CFAP74: variants seen among roughly 807,000 people sequenced by gnomAD.
CFAP74 encodes cilia- and flagella-associated protein 74.
CFAP74 carries 124 observed loss-of-function variants against 188.9 expected under a neutral mutation model. The observed-to-expected ratio is 0.66, with a 90% CI of 0.57 to 0.76. The LOEUF is 0.76. Ranked by LOEUF, CFAP74 falls within the 30% of genes least tolerant of loss-of-function variation. The probability of loss-of-function intolerance (pLI) is 0.00; values close to 1 mark genes in which losing one functional copy is unlikely to be tolerated. For synonymous variants in CFAP74, 956 were observed against 916.7 expected, an observed-to-expected ratio of 1.04 and a Z score of -0.77; for missense variants, 2,198 against 2,165.2, an observed-to-expected ratio of 1.02 and a Z score of -0.30.
At chr1:1,970,888 T>A (rs535542253) in intron 9 of CFAP74, 72 bp from the exon 10 acceptor site, 1 of 1,571,238 alleles carries the variant, frequency 6.4e-7, no homozygotes, top group Non-Finnish European at 8.7e-7. Context: ...CACCTGCACA[T>A]GTGCACACAC....
At chr1:1,948,692 G>A (rs576259550) in intron 18 of CFAP74, among the ~76,000 whole-genome samples, 71 of 149,950 alleles carry the variant, frequency 4.7e-4, no homozygotes, top group Non-Finnish European at 4.6e-4. Flanking sequence ...AGGCTCAAGC[G>A]ATCCTCCCGG....
intron 25 of CFAP74, among the ~76,000 whole-genome samples, chr1:1,934,193 C>T (rs1370733275): frequency 6.6e-6 from 1 of 152,198 alleles, no homozygotes; most frequent in Non-Finnish European, 1.5e-5. Flanking sequence ...TACATCTGTG[C>T]AAGTGTAGAA....
intron 1 of CFAP74, among the ~76,000 whole-genome samples, chr1:2,000,884 G>T (rs190163122): frequency 6.6e-6 from 1 of 152,142 alleles, no homozygotes. Flanking sequence ...GCCACTGTGT[G>T]GATGAATCTC....
rs1361393068 is a variant in CFAP74, at chr1:1,922,204, T to G, written c.*83A>C. ...GGCAGAGGATGGCCAGGTCCCAGGCTCTAGGGTAGTATGACCTGGCCCTCA... is the reference window on the plus strand; with the variant it reads ...GGCAGAGGATGGCCAGGTCCCAGGCGCTAGGGTAGTATGACCTGGCCCTCA... On this transcript the variant is annotated 3_prime_UTR_variant, in exon 39 of 39. Transcript: ENST00000682832. The G allele has an allele frequency of 2.9e-6, 3 of 1,034,148 alleles. No homozygotes were observed. The highest frequency in any genetic ancestry group is 4.4e-6 in the Non-Finnish European group (3 of 680,760). The allele number at this position is 1,034,148 out of a possible 1,614,324, so 64.1% of individuals were successfully genotyped here. A position where few individuals can be genotyped will look rare whatever the true frequency, so the allele number is the denominator to read the frequency against.
chr1:1,982,926 G>C (rs1321330357), intron 6 of CFAP74, among the ~76,000 whole-genome samples: 1 of 152,250 alleles, frequency 6.6e-6, no homozygotes, highest in Non-Finnish European at 1.5e-5. Flanking sequence ...TGACGGTTAA[G>C]GGTCTGGGTC....
At chr1:1,949,125 TTCCC>T (rs147210610) in intron 18 of CFAP74, among the ~76,000 whole-genome samples, 26 of 64,778 alleles carry the variant, frequency 4.0e-4, no homozygotes, top group South Asian at 1.8e-3. Context: ...CTTTCTTCCC[TTCCC>T]TCCCTCCCTC....
chr1:1,957,510 G>A (rs1039997478), intron 16 of CFAP74, among the ~76,000 whole-genome samples: 16 of 152,184 alleles, frequency 1.1e-4, no homozygotes, highest in Non-Finnish European at 2.1e-4. Context: ...TGTTTTTACA[G>A]TCCCCAGCCT....
intron 18 of CFAP74, chr1:1,954,747 C>G: frequency 1.9e-6 from 2 of 1,038,870 alleles, no homozygotes; most frequent in South Asian, 2.5e-5. Flanking sequence ...TGCACCACTG[C>G]ACTCCAGCCT....
chr1:1,932,073 AAAAAAAC>A lies in CFAP74; in HGVS notation c.3012-1744_3012-1738del, dbSNP rs1237815594. 4.1e-3 allele frequency among the ~76,000 whole-genome samples: 240 copies of A among 58,236 alleles called. 5 individuals are homozygous for A. The highest frequency in any genetic ancestry group is 0.01 in the East Asian group (14 of 1,346). The allele number at this position is 58,236 out of a possible 152,430, so 38.2% of individuals were successfully genotyped here. On this transcript the variant is annotated intron_variant, in intron 25 of 38. Transcript: ENST00000682832. ...AGAGTGAGACTCTCGCCTCAAAAAA[AAAAAAAC>A]AAAAAACAAAAAACAAAAAACTTAG...
chr1:1,988,220 C>T (rs1657360529), intron 4 of CFAP74: 3 of 610,124 alleles, frequency 4.9e-6, no homozygotes, highest in Non-Finnish European at 9.4e-6. Flanking sequence ...AATACAAACA[C>T]ACACAAACAC....
In CFAP74 at chr1:1,945,870, CGTGT is replaced by C. The variant is rs1427367126; in HGVS notation, c.2364+443_2364+446del. On this transcript the variant is annotated intron_variant, in intron 20 of 38. Transcript: ENST00000682832. The stretch of plus-strand genomic sequence containing the variant: ...AGAACAAAGGCTCTGCGTGTGTGCA[CGTGT>C]GTGTGTGGGCTCTGCGTGTGTGCAT... Among the ~76,000 whole-genome samples, 73 of 141,746 alleles carry C rather than the reference CGTGT, an allele frequency of 5.2e-4. 1 individual carries two copies. The highest frequency in any genetic ancestry group is 1.4e-3 in the African/African-American group (56 of 38,728). 93.0% of individuals were successfully genotyped at this position (141,746 alleles called of 152,430 possible). A position where few individuals can be genotyped will look rare whatever the true frequency, so the allele number is the denominator to read the frequency against.
intron 23 of CFAP74, among the ~76,000 whole-genome samples, chr1:1,939,968 G>C (rs1308433827): frequency 6.6e-6 from 1 of 152,246 alleles, no homozygotes; most frequent in Non-Finnish European, 1.5e-5. Context: ...GTGGGTGGCA[G>C]CTGAGAGCCT....
rs763045212 is a variant in CFAP74 at position 1,974,183 on chromosome 1, G to T, written c.516C>A (p.His172Gln). The T allele has an allele frequency of 1.6e-5, 25 of 1,600,548 alleles. No individual in the cohort carries two copies. The highest frequency in any genetic ancestry group is 1.7e-4 in the Middle Eastern group (1 of 6,018). ...VLKESENTMW[H>Q]IEIQEGRLEA... The stretch of plus-strand genomic sequence containing the variant: ...CGAGTCGCCCCTCCTGGATCTCGAT[G>T]TGCCACATGGTGTTCCTTCAAACAA... Residue 172 changes from histidine to glutamine, a missense_variant, in exon 7 of 39, where the codon CAC (histidine) becomes CAA (glutamine). By Grantham distance (24) the His-to-Gln change is conservative. Coordinates refer to ENST00000682832, the MANE Select transcript of CFAP74 (RefSeq NM_001304360.2).
chr1:1,980,871 G>A (rs1026637751), intron 6 of CFAP74, among the ~76,000 whole-genome samples: 1 of 150,126 alleles, frequency 6.7e-6, no homozygotes, highest in South Asian at 2.1e-4. Flanking sequence ...AGACCATCAC[G>A]CCTGCTGCCT....
chr1:1,989,866 C>T (rs945959654), intron 2 of CFAP74, among the ~76,000 whole-genome samples: 1 of 152,168 alleles, frequency 6.6e-6, no homozygotes, highest in Non-Finnish European at 1.5e-5. Flanking sequence ...AAGCAAAATC[C>T]GAGGAACCCT....
In CFAP74 at chr1:1,985,456, G is replaced by A. The variant is rs375084574; in HGVS notation, c.430C>T (p.Arg144Cys). 9.0e-5 allele frequency: 145 copies of A among 1,613,892 alleles called. 1 individual carries two copies. Among genetic ancestry groups the A allele is most frequent in the Admixed American group, 4.0e-4 (24 of 60,010 alleles). ...TCGTTCTCCAGCTCTGCAAACAGGC[G>A]TCTGGACACGGCCTGGAGGCGGCCC... ...AVGRLQAVSR[R>C]LFAELENERD... Residue 144 changes from arginine to cysteine, a missense_variant, in exon 6 of 39, where the codon CGC becomes TGC. Transcript: ENST00000682832.
In CFAP74 at chr1:1,968,736, G is replaced by A. The variant is rs748813940; in HGVS notation, c.1144C>T (p.Pro382Ser). The A allele has an allele frequency of 1.2e-6, 2 of 1,614,122 alleles. No homozygotes were observed. Among genetic ancestry groups the A allele is most frequent in the South Asian group, 2.2e-5 (2 of 91,082 alleles). ...EEEKRKKQHP[P>S]TSARHRLTLR... ...GTCAGCCGGTGCCTGGCACTGGTGGGGGGATGCTGTTTCTTCCTCTTTTCC... is the reference window on the plus strand; with the variant it reads ...GTCAGCCGGTGCCTGGCACTGGTGGAGGGATGCTGTTTCTTCCTCTTTTCC... Residue 382 changes from proline to serine, a missense_variant, in exon 11 of 39, where the codon CCC (proline) becomes TCC (serine). By Grantham distance (74) the Pro-to-Ser change is moderately conservative (BLOSUM62 -1). Coordinates refer to ENST00000682832, the MANE Select transcript of CFAP74 (RefSeq NM_001304360.2). The surrounding 1 kb of genome is among the most constrained non-coding windows in gnomAD (Gnocchi z 4.3).
At chr1:1,963,077 T>A (rs890042916) in intron 14 of CFAP74, among the ~76,000 whole-genome samples, 2 of 152,142 alleles carry the variant, frequency 1.3e-5, no homozygotes, top group Non-Finnish European at 2.9e-5. Flanking sequence ...TGAAGACAGC[T>A]TTCACCTTGA....
intron 1 of CFAP74, among the ~76,000 whole-genome samples, chr1:1,992,455 A>C (rs1172238559): frequency 6.6e-6 from 1 of 151,564 alleles, no homozygotes; most frequent in East Asian, 1.9e-4. Context: ...AGCTTGAGCC[A>C]CTACATCTGG....
Sources: gnomAD v4.1 joint callset for allele counts (sites outside exome capture counted in the v4.1 genomes callset) on GRCh38, gnomAD v4.1.1 for gene constraint, Gnocchi (gnomAD v3.1) non-coding constraint, MANE v1.5 for transcripts, NCBI Gene and HGNC (gene_info 2026-07-23, HGNC 2026-07-21) for gene names.